The following ZC3H13 variants were observed in gnomAD, a reference collection of about 807,000 sequenced individuals.
ZC3H13 encodes zinc finger CCCH domain-containing protein 13.
In ZC3H13, 64 loss-of-function variants were observed where a neutral mutation model predicts 204.1. The ratio of observed to expected loss-of-function variants is 0.31; its 90% CI spans 0.26 to 0.39. The LOEUF (loss-of-function observed/expected upper bound fraction) is 0.39. ZC3H13 is among the 10% of genes least tolerant of loss of function. The probability of loss-of-function intolerance (pLI) is 1.00; values close to 1 mark genes in which losing one functional copy is unlikely to be tolerated. For synonymous variants in ZC3H13, 667 were observed against 693.7 expected (o/e 0.96, Z 0.60); for missense variants, 1,833 against 2,082.7 (o/e 0.88, Z 2.33).
At chr13:45,986,800 A>T (rs931620699) in intron 9 of ZC3H13, among the ~76,000 whole-genome samples, 1 of 152,212 alleles carries the variant, frequency 6.6e-6, no homozygotes, top group Admixed American at 6.5e-5. Flanking sequence ...CCAAAACATT[A>T]TAAGTTTACC....
chr13:45,982,077 T>C (rs990227737), intron 10 of ZC3H13, among the ~76,000 whole-genome samples: 1 of 150,414 alleles, frequency 6.6e-6, no homozygotes, highest in Admixed American at 6.6e-5. Context: ...AAAAAGAACA[T>C]ATGACAAACT....
rs200637591 is a variant in ZC3H13, at chr13:45,965,429, C to A, written c.4325G>T (p.Gly1442Val). The A allele has an allele frequency of 2.5e-6, 4 of 1,611,654 alleles. No homozygotes were observed. Among genetic ancestry groups the A allele is most frequent in the Non-Finnish European group, 3.4e-6 (4 of 1,179,038 alleles). Residue 1442 changes from glycine to valine, a missense_variant, in exon 16 of 19, where the codon GGA becomes GTA. Gly to Val is a moderately radical substitution (Grantham distance 109). Around this residue, in one of 5 missense-constraint regions of ZC3H13, gnomAD observed 1,574 missense variants for 1,757.2 expected, o/e 0.90. Transcript: ENST00000679008. ...ATCATCTAACTTGGACTCGTCATCT[C>A]CTGCTAAATAGACAAATTAATTTCA... Reference protein sequence around the residue: ...KSERTESLEAGDDESKLDDAH... With the variant: ...KSERTESLEAVDDESKLDDAH...
intron 4 of ZC3H13, among the ~76,000 whole-genome samples, chr13:46,033,317 T>C (rs554247650): frequency 1.3e-5 from 2 of 152,204 alleles, no homozygotes; most frequent in Middle Eastern, 3.4e-3. Context: ...ATATTCCTAA[T>C]AGACAGATTT....
At chr13:46,005,440 C>T (rs1004887418) in intron 7 of ZC3H13, among the ~76,000 whole-genome samples, 1 of 152,002 alleles carries the variant, frequency 6.6e-6, no homozygotes, top group Non-Finnish European at 1.5e-5. Flanking sequence ...TAAAGTAGTA[C>T]TCATTTTGCT....
intron 8 of ZC3H13, among the ~76,000 whole-genome samples, chr13:45,996,008 T>C (rs138627159): frequency 2.5e-3 from 387 of 152,308 alleles, no homozygotes; most frequent in African/African-American, 9.0e-3. Context: ...TTAAAACATA[T>C]CACCTGTCAG....
At chr13:46,033,016 C>T (rs1024444259) in intron 4 of ZC3H13, among the ~76,000 whole-genome samples, 11 of 151,646 alleles carry the variant, frequency 7.3e-5, no homozygotes, top group South Asian at 4.2e-4. Context: ...TTAAAACAGC[C>T]GGATTACCCA....
chr13:46,049,150 C>CAAAA (rs58915210), intron 1 of ZC3H13, among the ~76,000 whole-genome samples: 2 of 91,850 alleles, frequency 2.2e-5, no homozygotes, highest in African/African-American at 4.4e-5. Flanking sequence ...GACTCCGTCT[C>CAAAA]AAAAAAAAAA....
chr13:46,029,909 T>C (rs562607570), intron 4 of ZC3H13, among the ~76,000 whole-genome samples: 22 of 152,330 alleles, frequency 1.4e-4, no homozygotes, highest in African/African-American at 5.1e-4. Flanking sequence ...GAAATCTGCT[T>C]GACTGAAGGA....
chr13:45,986,899 CA>C (rs1247831468), intron 9 of ZC3H13, among the ~76,000 whole-genome samples: 1 of 152,194 alleles, frequency 6.6e-6, no homozygotes, highest in African/African-American at 2.4e-5. Context: ...AGACCCTCAT[CA>C]ATAACCTATC....
At chr13:45,958,963 A>G (rs17067486) in intron 18 of ZC3H13, among the ~76,000 whole-genome samples, 2 of 152,110 alleles carry the variant, frequency 1.3e-5, no homozygotes, top group African/African-American at 4.8e-5. Flanking sequence ...CAAAAATCCC[A>G]GTTTCTTAAC....
chr13:46,047,547 C>T (rs2044055898), intron 1 of ZC3H13, among the ~76,000 whole-genome samples: 2 of 152,096 alleles, frequency 1.3e-5, no homozygotes, highest in Admixed American at 6.5e-5. Flanking sequence ...GAAATGTGAA[C>T]ATACGGAGGA....
rs1013102406 is a variant in ZC3H13 at position 45,957,225 on chromosome 13, A to C, written c.4912T>G (p.Phe1638Val). The change falls in exon 19 of 19, where the codon TTT (phenylalanine) becomes GTT (valine). Residue 1638 changes from phenylalanine to valine, a missense_variant. By Grantham distance (50) the Phe-to-Val change is conservative (BLOSUM62 -1). This residue lies in a region of ZC3H13 where 211 missense variants were observed against 228.4 expected (regional missense o/e 0.92). Transcript: ENST00000679008. The stretch of plus-strand genomic sequence containing the variant: ...GCATGGCAAGTAGTCTTCCGCTTAA[A>C]TAACCGAAGACTCAATCGAAGTAAT... ...NELLRLSLRL[F>V]KRKTTCHAPG... 3 of 1,548,900 alleles carry C rather than the reference A, an allele frequency of 1.9e-6. No homozygotes were observed. The highest frequency in any genetic ancestry group is 1.4e-5 in the African/African-American group (1 of 73,018).
intron 9 of ZC3H13, 148 bp from the exon 10 acceptor site, chr13:45,985,909 T>C: frequency 1.4e-6 from 1 of 735,402 alleles, no homozygotes; most frequent in Non-Finnish European, 2.1e-6. Context: ...ATTCCAAAGA[T>C]AATTAACACC....
At chr13:45,990,579 A>C (rs370260066) in intron 8 of ZC3H13, among the ~76,000 whole-genome samples, 2 of 152,332 alleles carry the variant, frequency 1.3e-5, no homozygotes, top group South Asian at 4.1e-4. Flanking sequence ...TAAAAAGATA[A>C]GCCATAAGCT....
At chr13:46,024,344 ATTC>A (rs1307175938) in intron 4 of ZC3H13, among the ~76,000 whole-genome samples, 1 of 152,120 alleles carries the variant, frequency 6.6e-6, no homozygotes, top group Non-Finnish European at 1.5e-5. Flanking sequence ...CCTTTTAAAT[ATTC>A]TCTATTTAGT....
chr13:45,969,459 T>C lies in ZC3H13; in HGVS notation c.3085A>G (p.Arg1029Gly). The change falls in exon 14 of 19, where the codon AGA becomes GGA. Residue 1029 changes from arginine to glycine, a missense_variant. Around this residue, in one of 5 missense-constraint regions of ZC3H13, gnomAD observed 1,574 missense variants for 1,757.2 expected, o/e 0.90. Coordinates refer to ENST00000679008, the MANE Select transcript of ZC3H13 (RefSeq NM_001330564.2). ...EEAAQQSKKK[R>G]GPRTPPITTK... is the part of the protein sequence containing the mutation. ...GTTATAGGGGGAGTCCGTGGGCCTC[T>C]TTTCTTCTTACTTTGCTGGGCTGCT... 6.2e-7 allele frequency: 1 copy of C among 1,613,446 alleles called. No individual in the cohort carries two copies. Among genetic ancestry groups the C allele is most frequent in the Non-Finnish European group, 8.5e-7 (1 of 1,179,872 alleles).
Position 45,968,820 on chromosome 13 carries a change from C to G in ZC3H13, c.3724G>C (p.Glu1242Gln). The part of the protein sequence containing the change: ...SRDREKTKSL[E>Q]ITGERKSRID... ...CTAGATTTTCTCTCTCCTGTGATTT[C>G]CAGGCTTTTTGTTTTTTCTCTATCT... is the stretch of plus-strand genomic sequence containing the variant. The change falls in exon 14 of 19, where the codon GAA becomes CAA. Residue 1242 changes from glutamate (E) to glutamine (Q), a missense_variant. Glu to Gln is a conservative substitution (Grantham distance 29, BLOSUM62 2). This residue lies in a region of ZC3H13 where 1,574 missense variants were observed against 1,757.2 expected (regional missense o/e 0.90). Coordinates refer to ENST00000679008, the MANE Select transcript of ZC3H13 (RefSeq NM_001330564.2). 1 of 1,613,862 alleles carries G rather than the reference C, an allele frequency of 6.2e-7. No individual in the cohort carries two copies. Among genetic ancestry groups the G allele is most frequent in the Non-Finnish European group, 8.5e-7 (1 of 1,179,968 alleles).
intron 4 of ZC3H13, among the ~76,000 whole-genome samples, chr13:46,039,051 T>C (rs1317336573): frequency 2.6e-5 from 4 of 152,024 alleles, no homozygotes; most frequent in Non-Finnish European, 5.9e-5. Flanking sequence ...ATAATTAATA[T>C]CCTGGTGTCC....
chr13:45,983,431 T>A (rs1953872535), intron 10 of ZC3H13, among the ~76,000 whole-genome samples: 1 of 49,786 alleles, frequency 2.0e-5, no homozygotes, highest in African/African-American at 1.4e-4. Flanking sequence ...TTTTTTTTTT[T>A]TTTTTTTTTT....
Sources: gnomAD v4.1 joint callset for allele counts (sites outside exome capture counted in the v4.1 genomes callset) on GRCh38, gnomAD v4.1.1 for gene constraint, gnomAD v4.1.1 regional missense constraint, MANE v1.5 for transcripts, NCBI Gene and HGNC (gene_info 2026-07-23, HGNC 2026-07-21) for gene names.